Variants in MTHFSD observed in about 807,000 individuals in gnomAD.
MTHFSD encodes methenyltetrahydrofolate synthetase domain containing, also known as methenyltetrahydrofolate synthase domain-containing protein.
MTHFSD carries 37 observed loss-of-function variants against 31.1 expected under a neutral mutation model. That is an observed-to-expected ratio of 1.19 (90% CI 0.91 to 1.56). The LOEUF (loss-of-function observed/expected upper bound fraction) is 1.56, where lower values mean the gene tolerates loss of function less well. MTHFSD is among the 40% of genes most tolerant of loss of function. The pLI is 0.00. For synonymous variants in MTHFSD, 221 were observed against 206.9 expected, an observed-to-expected ratio of 1.07 and a Z score of -0.59; for missense variants, 664 against 510.1, an observed-to-expected ratio of 1.30 and a Z score of -2.91.
At chr16:86,555,039 G>T in intron 1 of MTHFSD, 130 bp downstream of exon 1, 1 of 1,464,416 alleles carries the variant, frequency 6.8e-7, no homozygotes, top group South Asian at 1.4e-5. Context: ...GACCCCCTCT[G>T]ACCTCCTCGG....
At chr16:86,550,939 C>T (rs1389651901) in intron 3 of MTHFSD, among the ~76,000 whole-genome samples, 1 of 152,178 alleles carries the variant, frequency 6.6e-6, no homozygotes, top group Non-Finnish European at 1.5e-5. Context: ...TCTGACTTGG[C>T]AACTTGGGTG....
intron 1 of MTHFSD, 64 bp downstream of exon 1, chr16:86,555,105 C>G (rs1157005877): frequency 2.6e-6 from 4 of 1,525,218 alleles, no homozygotes; most frequent in Non-Finnish European, 3.5e-6. Context: ...CCGCCTCGAC[C>G]CTCACCGGTC....
At chr16:86,541,461 T>C in intron 7 of MTHFSD, 3 of 645,866 alleles carry the variant, frequency 4.6e-6, no homozygotes, top group South Asian at 2.0e-5. Context: ...TTCTGCCATC[T>C]ACAGAGGCAG....
intron 5 of MTHFSD, among the ~76,000 whole-genome samples, chr16:86,544,419 G>T (rs1027843066): frequency 1.3e-5 from 2 of 152,144 alleles, no homozygotes; most frequent in African/African-American, 4.8e-5. Context: ...AGTGGGCAAA[G>T]GGCATGAACA....
chr16:86,545,677 C>G (rs576190186), intron 5 of MTHFSD, among the ~76,000 whole-genome samples: 187 of 152,290 alleles, frequency 1.2e-3, no homozygotes, highest in Non-Finnish European at 2.2e-3. Flanking sequence ...CCCCTTCCCC[C>G]TCCCGTCGGT....
chr16:86,537,123 AT>A (rs1251948146), intron 7 of MTHFSD, among the ~76,000 whole-genome samples: 1 of 152,072 alleles, frequency 6.6e-6, no homozygotes, highest in Non-Finnish European at 1.5e-5. Flanking sequence ...CAAATTTACT[AT>A]TTTTTTCCTA....
Position 86,552,166 on chromosome 16 carries a change from G to A in MTHFSD, c.124-20C>T. The A allele has an allele frequency of 2.5e-6, 4 of 1,614,198 alleles. No individual in the cohort carries two copies. The highest frequency in any genetic ancestry group is 3.4e-6 in the Non-Finnish European group (4 of 1,180,022). ...AGACCCCTAGTTAGGCAAATAGACA[G>A]AGTTGCACTTACTTCAAGGACGAAG... On this transcript the variant is annotated intron_variant, in intron 2 of 7. Transcript: ENST00000360900.
chr16:86,543,651 G>A (rs1019548), intron 5 of MTHFSD, among the ~76,000 whole-genome samples: 67,571 of 152,006 alleles, frequency 0.44, 17,288 homozygotes, highest in African/African-American at 0.69. Flanking sequence ...ACGGAGCTCT[G>A]TGTGTGCCAC....
At chr16:86,540,717 T>C in intron 7 of MTHFSD, 1 of 990,124 alleles carries the variant, frequency 1.0e-6, no homozygotes, top group Non-Finnish European at 1.2e-6. Context: ...AAGAAAGACA[T>C]CAAGGGATAT....
At chr16:86,538,069 C>T (rs1424738717) in intron 7 of MTHFSD, among the ~76,000 whole-genome samples, 3 of 152,240 alleles carry the variant, frequency 2.0e-5, no homozygotes, top group Admixed American at 6.5e-5. Context: ...GGTCTGGTGA[C>T]GGGGACCACA....
intron 7 of MTHFSD, among the ~76,000 whole-genome samples, chr16:86,535,753 A>C (rs1408871296): frequency 6.6e-6 from 1 of 152,224 alleles, no homozygotes; most frequent in South Asian, 2.1e-4. Flanking sequence ...AGGCAGCTAC[A>C]TGCTGCTCTT....
Position 86,555,204 on chromosome 16 carries a change from G to T in MTHFSD, c.-20C>A. On this transcript the variant is annotated 5_prime_UTR_variant, in exon 1 of 8. Coordinates refer to ENST00000360900, the MANE Select transcript of MTHFSD (RefSeq NM_001159377.2). ...CTCCATGGTGATGCAGTCGCTGTGCGACGCTTCCCGGCGCAGGTTCTGGCG... is the reference window on the plus strand; with the variant it reads ...CTCCATGGTGATGCAGTCGCTGTGCTACGCTTCCCGGCGCAGGTTCTGGCG... 6.5e-7 allele frequency: 1 copy of T among 1,536,554 alleles called. No individual in the cohort carries two copies. The highest frequency in any genetic ancestry group is 1.2e-5 in the South Asian group (1 of 84,040).
intron 7 of MTHFSD, 104 bp downstream of exon 7, chr16:86,541,593 C>G: frequency 6.8e-7 from 1 of 1,477,676 alleles, no homozygotes. Context: ...TTCTAACATA[C>G]AGCCATGCTG....
At chr16:86,554,125 C>T (rs563058628) in intron 2 of MTHFSD, among the ~76,000 whole-genome samples, 2 of 152,256 alleles carry the variant, frequency 1.3e-5, no homozygotes, top group East Asian at 3.9e-4. Flanking sequence ...CTCCAATCCC[C>T]TTCCACATTG....
chr16:86,532,600 T>G (rs1597308814), intron 7 of MTHFSD, 119 bp from the exon 8 acceptor site: 1 of 768,298 alleles, frequency 1.3e-6, no homozygotes, highest in South Asian at 2.9e-5. Flanking sequence ...TGCCAAGTGG[T>G]CTGAGCCCCA....
At chr16:86,533,123 C>G (rs1970205934) in intron 7 of MTHFSD, 1 of 152,260 alleles carries the variant, frequency 6.6e-6, no homozygotes, top group African/African-American at 2.4e-5. Flanking sequence ...ATCAGTAACG[C>G]TATGCGAAAC....
At position 86,550,895 on chromosome 16, in the gene MTHFSD, G is replaced by A. The variant is rs1306291444; in HGVS notation, c.237+1138C>T. Among the ~76,000 whole-genome samples the A allele has an allele frequency of 4.6e-5, 7 of 152,320 alleles. No homozygotes were observed. The South Asian group carries it at 1.5e-3, about 32-fold the overall frequency. On this transcript the variant is annotated intron_variant, in intron 3 of 7. Coordinates refer to ENST00000360900, the MANE Select transcript of MTHFSD (RefSeq NM_001159377.2). ...TCCTCTCAGCTCCGGCAAGAGGTGT[G>A]GAAAGTGCCCCTCTCACCAGGGCTT...
Position 86,541,822 on chromosome 16 carries a change from C to A in MTHFSD, c.556G>T (p.Val186Phe), listed in dbSNP as rs753442053. The A allele has an allele frequency of 3.7e-6, 6 of 1,613,932 alleles. No homozygotes were observed. In the Admixed American group the frequency reaches 6.7e-5, roughly 18 times the overall value. The change falls in exon 7 of 8, where the codon GTC (valine) becomes TTC (phenylalanine). Residue 186 changes from valine (V) to phenylalanine (F), a missense_variant and splice_region_variant. Physicochemically the swap from Val to Phe is conservative, Grantham distance 50 (BLOSUM62 -1). Transcript: ENST00000360900. ...ACAAGCTCTTCAGGGATGTCCACGA[C>A]CTGGGGGAAGAGAGGAGGGATAAAG... ...PVVTIVHDCQ[V>F]VDIPEELVEE...
chr16:86,547,115 T>A, intron 4 of MTHFSD: 2 of 945,632 alleles, frequency 2.1e-6, no homozygotes, highest in Non-Finnish European at 2.5e-6. Flanking sequence ...ACAAAACGTA[T>A]GCATTTAGCA....
Sources: gnomAD v4.1 joint callset for allele counts (sites outside exome capture counted in the v4.1 genomes callset) on GRCh38, gnomAD v4.1.1 for gene constraint, MANE v1.5 for transcripts, NCBI Gene and HGNC (gene_info 2026-07-23, HGNC 2026-07-21) for gene names.